Variants in SH3D19 observed in about 807,000 individuals in gnomAD.
SH3D19 encodes the protein SH3 domain-containing protein 19.
In SH3D19, 58 loss-of-function variants were observed where a neutral mutation model predicts 112.1. That is an observed-to-expected ratio of 0.52 (90% CI 0.42 to 0.64). SH3D19 has a LOEUF of 0.64. Among genes scored for constraint, SH3D19 ranks in the 30% least tolerant of loss-of-function variants. SH3D19 has a pLI of 0.00. For synonymous variants in SH3D19, 391 were observed against 448.5 expected, an observed-to-expected ratio of 0.87 and a Z score of 1.62; for missense variants, 1,090 against 1,263.4, an observed-to-expected ratio of 0.86 and a Z score of 2.08.
At chr4:151,126,562 G>A (rs952000844) in intron 19 of SH3D19, among the ~76,000 whole-genome samples, 1 of 151,988 alleles carries the variant, frequency 6.6e-6, no homozygotes, top group African/African-American at 2.4e-5. Context: ...TTTGGAGGCT[G>A]AGGTGGGCGG....
chr4:151,182,140 G>A (rs1016632250), intron 3 of SH3D19, among the ~76,000 whole-genome samples: 6 of 151,798 alleles, frequency 4.0e-5, no homozygotes, highest in Non-Finnish European at 7.4e-5. Context: ...AGGCATGCAC[G>A]ACCACACCTG....
At chr4:151,166,148 C>A (rs1027780759) in intron 7 of SH3D19, 2 of 153,490 alleles carry the variant, frequency 1.3e-5, no homozygotes, top group African/African-American at 4.8e-5. Flanking sequence ...CAGTGCTGTG[C>A]CTGGCACAGG....
intron 1 of SH3D19, among the ~76,000 whole-genome samples, chr4:151,256,657 TG>T (rs1771943027): frequency 6.6e-6 from 1 of 151,246 alleles, no homozygotes; most frequent in South Asian, 2.1e-4. Context: ...TCTTATTATC[TG>T]ATGATATAAG....
intron 2 of SH3D19, among the ~76,000 whole-genome samples, chr4:151,213,841 C>T (rs1344696901): frequency 4.6e-5 from 7 of 151,462 alleles, no homozygotes; most frequent in African/African-American, 7.3e-5. Context: ...TGCATGCCAC[C>T]GTGACTGGCT....
At position 151,280,093 on chromosome 4, in the gene SH3D19, C is replaced by T. The variant is rs1426245419; in HGVS notation, c.112+45148G>A. ...GGAAACCCAGGTCATGTCAGACTAT[C>T]AAACCCGAAACAACTAGAGACAGGG... On this transcript the variant is annotated intron_variant, in intron 1 of 19. Coordinates refer to ENST00000604030, the MANE Select transcript of SH3D19 (RefSeq NM_001378122.1). 3.7e-6 allele frequency: 4 copies of T among 1,078,598 alleles called. No homozygotes were observed. The African/African-American group carries it at 6.5e-5, about 17-fold the overall frequency. The allele number at this position is 1,078,598 out of a possible 1,614,324, so 66.8% of individuals were successfully genotyped here. A position where few individuals can be genotyped will look rare whatever the true frequency, so the allele number is the denominator to read the frequency against.
chr4:151,298,494 G>C (rs1381594690), intron 1 of SH3D19, among the ~76,000 whole-genome samples: 4 of 152,082 alleles, frequency 2.6e-5, no homozygotes. Context: ...GTTGTTTTAA[G>C]CCATTAAATT....
intron 1 of SH3D19, among the ~76,000 whole-genome samples, chr4:151,324,990 T>A (rs577991716): frequency 2.6e-5 from 4 of 152,028 alleles, no homozygotes; most frequent in Non-Finnish European, 5.9e-5. Flanking sequence ...CTGGATTTAG[T>A]GTGCACGGAA....
rs184157350 is a variant in SH3D19 at position 151,154,429 on chromosome 4, C to T, written c.1755+4811G>A. ...GATTACAGGCTTGAACCATTGCGCC[C>T]GGCCCACACCTGGCTAATTTTTGTA... On this transcript the variant is annotated intron_variant, in intron 9 of 19. Transcript: ENST00000604030. 1.2e-4 allele frequency among the ~76,000 whole-genome samples: 18 copies of T among 147,398 alleles called. No individual in the cohort carries two copies. In the East Asian group the frequency reaches 1.9e-3, roughly 16 times the overall value.
At chr4:151,288,320 G>A (rs1176140734) in intron 1 of SH3D19, among the ~76,000 whole-genome samples, 3 of 152,106 alleles carry the variant, frequency 2.0e-5, no homozygotes, top group Non-Finnish European at 4.4e-5. Flanking sequence ...AGATTGCAAA[G>A]AAACAGTAAA....
chr4:151,277,306 C>A, intron 1 of SH3D19: 1 of 1,126,664 alleles, frequency 8.9e-7, no homozygotes, highest in Non-Finnish European at 1.2e-6. Context: ...TGTGACACTT[C>A]ACCCATGGGA....
chr4:151,282,168 A>T, intron 1 of SH3D19: 1 of 1,613,882 alleles, frequency 6.2e-7, no homozygotes, highest in African/African-American at 1.3e-5. Context: ...ACTTTTTCAT[A>T]TACTGTGTGG....
intron 3 of SH3D19, among the ~76,000 whole-genome samples, chr4:151,184,449 C>G (rs1761421705): frequency 6.6e-6 from 1 of 152,144 alleles, no homozygotes; most frequent in South Asian, 2.1e-4. Context: ...GGCCTTCTTG[C>G]CTAAACATCA....
chr4:151,151,008 T>C (rs1191658328), intron 9 of SH3D19, among the ~76,000 whole-genome samples: 2 of 148,136 alleles, frequency 1.4e-5, no homozygotes, highest in African/African-American at 5.1e-5. Context: ...TCCCCCAGGC[T>C]GGAGTGCAAT....
At chr4:151,299,440 C>T (rs1211967609) in intron 1 of SH3D19, among the ~76,000 whole-genome samples, 1 of 151,952 alleles carries the variant, frequency 6.6e-6, no homozygotes, top group East Asian at 1.9e-4. Flanking sequence ...ATTAGCCTGG[C>T]GTGGTGGCGC....
chr4:151,296,485 C>T (rs919704265), intron 1 of SH3D19, among the ~76,000 whole-genome samples: 25 of 152,066 alleles, frequency 1.6e-4, no homozygotes, highest in African/African-American at 6.0e-4. Context: ...CTGTCCCCTG[C>T]AGAAAATAAA....
chr4:151,321,448 G>GA (rs966293763), intron 1 of SH3D19, among the ~76,000 whole-genome samples: 15 of 151,872 alleles, frequency 9.9e-5, no homozygotes, highest in African/African-American at 3.4e-4. Flanking sequence ...ATAACAGAAA[G>GA]AAAAAAACCA....
intron 3 of SH3D19, among the ~76,000 whole-genome samples, chr4:151,183,207 G>A (rs926486735): frequency 1.3e-5 from 2 of 151,982 alleles, no homozygotes; most frequent in Non-Finnish European, 1.5e-5. Context: ...GGTCAGGCTG[G>A]TGTCGAATTC....
At chr4:151,239,386 G>A (rs1319398923) in intron 1 of SH3D19, among the ~76,000 whole-genome samples, 3 of 152,102 alleles carry the variant, frequency 2.0e-5, no homozygotes, top group Admixed American at 6.6e-5. Flanking sequence ...GAGATCAGCT[G>A]AGCTAAAAAG....
At chr4:151,294,229 CTGTA>C (rs1490450007) in intron 1 of SH3D19, among the ~76,000 whole-genome samples, 1 of 152,204 alleles carries the variant, frequency 6.6e-6, no homozygotes. Context: ...GTCTCCCTAA[CTGTA>C]CTGTGAGAAC....
Sources: allele counts gnomAD v4.1 joint callset (sites outside exome capture counted in the v4.1 genomes callset), GRCh38; gene constraint gnomAD v4.1.1; transcripts MANE v1.5; gene names NCBI Gene and HGNC (gene_info 2026-07-23, HGNC 2026-07-21).